NIT2: variants seen among roughly 807,000 people sequenced by gnomAD.
The protein encoded by NIT2 is nitrilase family member 2, also known as omega-amidase NIT2.
Under a neutral mutation model 42.7 loss-of-function variants are expected in NIT2, and 46 were observed. The observed-to-expected ratio is 1.08, with a 90% CI of 0.85 to 1.38. NIT2 has a LOEUF of 1.38. Ranked by LOEUF, NIT2 falls within the 40% of genes most tolerant of loss-of-function variation. NIT2 has a pLI of 0.00. For synonymous variants in NIT2, 123 were observed against 121.9 expected (o/e 1.01, Z -0.06); for missense variants, 309 against 342.5 (o/e 0.90, Z 0.77).
chr3:100,337,771 A>T (rs565290521), intron 1 of NIT2, among the ~76,000 whole-genome samples: 2 of 152,338 alleles, frequency 1.3e-5, no homozygotes, highest in East Asian at 3.9e-4. Context: ...TATATAAAAA[A>T]TTATTATCTG....
intron 1 of NIT2, among the ~76,000 whole-genome samples, chr3:100,336,721 CCTAT>C (rs547165868): frequency 5.5e-4 from 84 of 152,338 alleles, no homozygotes; most frequent in African/African-American, 2.0e-3. Flanking sequence ...GGCGGTTTTC[CCTAT>C]CTTAGTAGAT....
At chr3:100,336,375 G>A (rs188392573) in intron 1 of NIT2, among the ~76,000 whole-genome samples, 1 of 152,298 alleles carries the variant, frequency 6.6e-6, no homozygotes, top group East Asian at 1.9e-4. Context: ...TCGTTAGGTG[G>A]AACGAGAGAC....
intron 1 of NIT2, chr3:100,335,009 C>T: frequency 1.8e-6 from 1 of 552,378 alleles, no homozygotes; most frequent in Non-Finnish European, 3.2e-6. Context: ...GGGTGGCGGG[C>T]GAGGCCCAGA....
rs1295215434 is a variant in NIT2 at position 100,352,484 on chromosome 3, G to A, written c.665G>A (p.Ser222Asn). Residue 222 changes from serine (S) to asparagine (N), a missense_variant, in exon 8 of 10, where the codon AGC (serine) becomes AAC (asparagine). By Grantham distance (46) the Ser-to-Asn change is conservative. Coordinates refer to ENST00000394140, the MANE Select transcript of NIT2 (RefSeq NM_020202.5). ...GCCTCCTATGTTGCCTGGGGACACA[G>A]CACCGTGGTGAACCCTTGGTGAGTA... ...DKASYVAWGH[S>N]TVVNPWGEVL... 4.3e-6 allele frequency: 7 copies of A among 1,612,882 alleles called. No homozygotes were observed. The highest frequency in any genetic ancestry group is 4.2e-6 in the Non-Finnish European group (5 of 1,179,098).
intron 3 of NIT2, 29 bp from the exon 4 acceptor site, chr3:100,341,044 T>C (rs1489853369): frequency 3.4e-6 from 5 of 1,471,682 alleles, no homozygotes; most frequent in Non-Finnish European, 4.8e-6. Context: ...ATTCTTTTTC[T>C]TATGGTATGT....
chr3:100,340,163 G>A (rs1047355030), intron 3 of NIT2, among the ~76,000 whole-genome samples: 4 of 150,694 alleles, frequency 2.7e-5, no homozygotes, highest in African/African-American at 7.4e-5. Context: ...CTCACCCTAC[G>A]AGGCTCAAGT....
In NIT2 at chr3:100,357,246, C is replaced by G. The variant is rs1285760428; in HGVS notation, c.*1978C>G. ...GACTATAGTACCACTGCTCTCTATC[C>G]TAGCAGGCACACTGAAAGTTAAACC... On this transcript the variant is annotated 3_prime_UTR_variant, in exon 10 of 10. Coordinates refer to ENST00000394140, the MANE Select transcript of NIT2 (RefSeq NM_020202.5). 3 of 152,264 alleles carry G rather than the reference C, an allele frequency of 2.0e-5. No individual in the cohort carries two copies. The highest frequency in any genetic ancestry group is 3.4e-3 in the Middle Eastern group (1 of 294). 9.4% of individuals were successfully genotyped at this position (152,264 alleles called of 1,614,324 possible).
At chr3:100,342,496 G>T in intron 4 of NIT2, among the ~76,000 whole-genome samples, 1 of 148,962 alleles carries the variant, frequency 6.7e-6, no homozygotes, top group South Asian at 2.1e-4. Flanking sequence ...TTTATCTATT[G>T]GCTTTTTAGT....
chr3:100,338,340 G>A (rs765982084), intron 1 of NIT2, among the ~76,000 whole-genome samples: 5 of 152,136 alleles, frequency 3.3e-5, no homozygotes, highest in Non-Finnish European at 7.3e-5. Flanking sequence ...ACCTCTCATG[G>A]TGTTATTTGC....
At chr3:100,347,242 C>T (rs1192224842) in intron 6 of NIT2, among the ~76,000 whole-genome samples, 2 of 151,864 alleles carry the variant, frequency 1.3e-5, no homozygotes, top group Non-Finnish European at 2.9e-5. Flanking sequence ...ATTACAGGTG[C>T]CCACCACCAG....
chr3:100,348,987 C>A, intron 7 of NIT2, 106 bp downstream of exon 7: 1 of 877,190 alleles, frequency 1.1e-6, no homozygotes, highest in Non-Finnish European at 1.8e-6. Flanking sequence ...CTGTCCCTGA[C>A]TCAGGATGCC....
intron 9 of NIT2, 86 bp from the exon 10 acceptor site, chr3:100,355,091 G>C (rs1706313036): frequency 1.0e-6 from 1 of 972,220 alleles, no homozygotes; most frequent in Non-Finnish European, 1.6e-6. Context: ...CTAAGACTCT[G>C]GTGGTTTATA....
intron 9 of NIT2, 62 bp downstream of exon 9, chr3:100,354,889 C>A: frequency 7.2e-7 from 1 of 1,385,714 alleles, no homozygotes; most frequent in Non-Finnish European, 1.0e-6. Flanking sequence ...GGCCAGACTC[C>A]ATGGCTGGGA....
At chr3:100,345,202 G>A (rs1469933630) in intron 4 of NIT2, among the ~76,000 whole-genome samples, 2 of 151,904 alleles carry the variant, frequency 1.3e-5, no homozygotes, top group African/African-American at 2.4e-5. Flanking sequence ...CAGGTGATCC[G>A]CCCACCTCGG....
At chr3:100,337,770 AATT>A (rs1706095215) in intron 1 of NIT2, among the ~76,000 whole-genome samples, 1 of 152,212 alleles carries the variant, frequency 6.6e-6, no homozygotes, top group South Asian at 2.1e-4. Flanking sequence ...TTATATAAAA[AATT>A]ATTATCTGGC....
chr3:100,347,127 C>G (rs1403593141), intron 6 of NIT2, among the ~76,000 whole-genome samples: 2 of 151,964 alleles, frequency 1.3e-5, no homozygotes, highest in Admixed American at 1.3e-4. Context: ...CAGAGTTTAG[C>G]TCTTGTCGCC....
chr3:100,337,705 G>T (rs893220446), intron 1 of NIT2, among the ~76,000 whole-genome samples: 1 of 152,212 alleles, frequency 6.6e-6, no homozygotes, highest in South Asian at 2.1e-4. Flanking sequence ...CACCTGCCTT[G>T]GCCTCCCAAA....
Position 100,346,257 on chromosome 3 carries a change from T to C in NIT2, c.505+2T>C, listed in dbSNP as rs774785729. ...TTGCACAAATCTACGCACAGAGAGG[T>C]GAGGCAGTGTAATAGCTGTGTTATG... On this transcript the variant is annotated splice_donor_variant, in intron 6 of 9. Transcript: ENST00000394140. LOFTEE classifies it high-confidence loss of function. 3.1e-6 allele frequency: 5 copies of C among 1,613,600 alleles called. No homozygotes were observed. The Admixed American group carries it at 8.3e-5, about 27-fold the overall frequency.
rs1459451035 is a variant in NIT2 at position 100,340,698 on chromosome 3, T to C, written c.248-375T>C. Among the ~76,000 whole-genome samples, 3 of 152,172 alleles carry C rather than the reference T, an allele frequency of 2.0e-5. No individual in the cohort carries two copies. In the East Asian group the frequency reaches 5.8e-4, roughly 29 times the overall value. On this transcript the variant is annotated intron_variant, in intron 3 of 9. Transcript: ENST00000394140. The stretch of plus-strand genomic sequence containing the variant: ...TGAATTCAAGTTAAGCAATGGGAAA[T>C]TTCTCATTTTGCCCTAATGTTACAG...
Sources: allele counts gnomAD v4.1 joint callset (sites outside exome capture counted in the v4.1 genomes callset), GRCh38; gene constraint gnomAD v4.1.1; transcripts MANE v1.5; gene names NCBI Gene and HGNC (gene_info 2026-07-23, HGNC 2026-07-21).